Variants in AP3S2 observed in about 807,000 individuals in gnomAD.
The protein encoded by AP3S2 is AP-3 complex subunit sigma-2.
AP3S2 carries 22 observed loss-of-function variants against 23.4 expected under a neutral mutation model. The ratio of observed to expected loss-of-function variants is 0.94; its 90% confidence interval spans 0.67 to 1.34. AP3S2 has a LOEUF of 1.34. Among genes scored for constraint, AP3S2 ranks in the 40% most tolerant of loss-of-function variants. The probability of loss-of-function intolerance (pLI) is 0.00; values close to 1 mark genes in which losing one functional copy is unlikely to be tolerated. For missense variants in AP3S2, 241 were observed against 236.9 expected (o/e 1.02, Z -0.11); for synonymous variants, 86 against 87.1 (o/e 0.99, Z 0.07).
chr15:89,871,348 T>A, intron 4 of AP3S2, 127 bp downstream of exon 4: 1 of 835,782 alleles, frequency 1.2e-6, no homozygotes, highest in Admixed American at 3.2e-5. Context: ...ATAAAACATG[T>A]TCTAGGACTA....
In AP3S2 at chr15:89,891,660, A is replaced by G. The variant is rs1031890476; in HGVS notation, c.69+2221T>C. 6.7e-4 allele frequency among the ~76,000 whole-genome samples: 100 copies of G among 149,666 alleles called. 1 individual carries two copies. The highest frequency in any genetic ancestry group is 4.3e-3 in the South Asian group (20 of 4,658). On this transcript the variant is annotated intron_variant, in intron 1 of 5. Coordinates refer to ENST00000336418, the MANE Select transcript of AP3S2 (RefSeq NM_005829.5). ...TAGAGTGAGATTCAGTCTCGGAGGG[A>G]AAAAAAAAAGCCACAGTGAGATACC...
At chr15:89,893,497 A>G (rs981228417) in intron 1 of AP3S2, 2 of 395,908 alleles carry the variant, frequency 5.1e-6, no homozygotes, top group Non-Finnish European at 8.9e-6. Flanking sequence ...ACTTTCAGAA[A>G]CTTAATATTT....
chr15:89,846,953 G>A (rs374653590), intron 4 of AP3S2, among the ~76,000 whole-genome samples: 3 of 152,154 alleles, frequency 2.0e-5, no homozygotes, highest in East Asian at 3.8e-4. Flanking sequence ...TTACAGGTGT[G>A]AGCCACCTCG....
intron 4 of AP3S2, among the ~76,000 whole-genome samples, chr15:89,869,106 A>G (rs1896248497): frequency 1.3e-5 from 2 of 152,204 alleles, no homozygotes; most frequent in African/African-American, 2.4e-5. Flanking sequence ...CAGGATGACA[A>G]TGGCGGCTTT....
In AP3S2 at chr15:89,837,649, T is replaced by C. The variant is rs984104930; in HGVS notation, c.419A>G (p.Gln140Arg). 6.2e-7 allele frequency: 1 copy of C among 1,614,044 alleles called. No homozygotes were observed. The highest frequency in any genetic ancestry group is 8.5e-7 in the Non-Finnish European group (1 of 1,180,014). The change falls in exon 5 of 6, where the codon CAG (glutamine) becomes CGG (arginine). Residue 140 changes from glutamine (Q) to arginine (R), a missense_variant. Transcript: ENST00000336418. Reference protein sequence around the residue: ...LETNMNEIVAQIEAQNRLEKS... With the variant: ...LETNMNEIVARIEAQNRLEKS... ...CTCCAGCCTGTTTTGAGCCTCAATC[T>C]GAGCCACGATTTCATTCATGTTTGT...
chr15:89,858,551 AAGAAAGAAAG>A (rs1396614702), intron 4 of AP3S2, among the ~76,000 whole-genome samples: 3 of 128,468 alleles, frequency 2.3e-5, no homozygotes, highest in African/African-American at 8.3e-5. Context: ...GAAAGAAAGA[AAGAAAGAAAG>A]AGAAACTCTA....
At chr15:89,876,430 GAAA>G in intron 3 of AP3S2, 1 of 145,046 alleles carries the variant, frequency 6.9e-6, no homozygotes, top group South Asian at 2.2e-4. Flanking sequence ...AAAAAGGAAA[GAAA>G]AAAAAAAGAA....
At chr15:89,885,739 C>T (rs1305749693) in intron 3 of AP3S2, among the ~76,000 whole-genome samples, 1 of 150,798 alleles carries the variant, frequency 6.6e-6, no homozygotes, top group Non-Finnish European at 1.5e-5. Flanking sequence ...CTGAGATGTT[C>T]GAGACCAGCC....
intron 4 of AP3S2, among the ~76,000 whole-genome samples, chr15:89,860,205 C>A (rs1895980448): frequency 6.6e-6 from 1 of 152,086 alleles, no homozygotes; most frequent in South Asian, 2.1e-4. Flanking sequence ...GTCCTAAGAC[C>A]CCCAGTGGAT....
At chr15:89,891,818 T>C (rs977214766) in intron 1 of AP3S2, among the ~76,000 whole-genome samples, 23 of 152,156 alleles carry the variant, frequency 1.5e-4, no homozygotes, top group African/African-American at 5.1e-4. Flanking sequence ...GGAAAATTTG[T>C]CAAATAGTTT....
At chr15:89,838,503 T>C (rs954102555) in intron 4 of AP3S2, among the ~76,000 whole-genome samples, 2 of 152,190 alleles carry the variant, frequency 1.3e-5, no homozygotes, top group Admixed American at 1.3e-4. Context: ...TCAACTACTG[T>C]ACCCCTTTGT....
chr15:89,891,340 AT>A (rs1896815741), intron 1 of AP3S2, among the ~76,000 whole-genome samples: 1 of 152,204 alleles, frequency 6.6e-6, no homozygotes, highest in African/African-American at 2.4e-5. Flanking sequence ...GCTCAACATC[AT>A]TAGTCATTTT....
At chr15:89,846,244 T>C (rs577751803) in intron 4 of AP3S2, among the ~76,000 whole-genome samples, 2 of 152,302 alleles carry the variant, frequency 1.3e-5, no homozygotes, top group African/African-American at 2.4e-5. Flanking sequence ...CCCCTGAAAA[T>C]AGTCAAGAGT....
intron 3 of AP3S2, chr15:89,876,523 T>C (rs1421159016): frequency 6.6e-6 from 1 of 151,398 alleles, no homozygotes; most frequent in Non-Finnish European, 1.5e-5. Context: ...AATAAGTAAA[T>C]AAATAAATAT....
intron 4 of AP3S2, among the ~76,000 whole-genome samples, chr15:89,866,286 C>T (rs1053715305): frequency 6.9e-6 from 1 of 145,086 alleles, no homozygotes; most frequent in Non-Finnish European, 1.5e-5. Flanking sequence ...AAAAAAGTCA[C>T]CATGGAGGTA....
chr15:89,856,108 C>A (rs895439588), intron 4 of AP3S2, among the ~76,000 whole-genome samples: 1 of 152,092 alleles, frequency 6.6e-6, no homozygotes, highest in African/African-American at 2.4e-5. Context: ...CATGCAGAAT[C>A]CCACTTGAGG....
Position 89,835,641 on chromosome 15 carries a change from A to G in AP3S2, c.456T>C (p.Gly152=). 1 of 1,604,688 alleles carries G rather than the reference A, an allele frequency of 6.2e-7. No homozygotes were observed. The change falls in exon 6 of 6, where the codon GGT becomes GGC. Residue 152 remains glycine (G), a splice_region_variant and synonymous_variant. Transcript: ENST00000336418. ...EAQNRLEKSE[G]GLSAAPARAV... is the part of the protein sequence containing the mutation. ...CCCGCGCAGGGGCTGCTGAAAGGCC[A>G]CCCTAAGAAGAAATGAGAGGCGAGT...
chr15:89,893,775 G>A, intron 1 of AP3S2, 106 bp downstream of exon 1: 1 of 1,114,504 alleles, frequency 9.0e-7, no homozygotes, highest in Non-Finnish European at 1.3e-6. Flanking sequence ...CGGTGCAGGA[G>A]CCCCAGGTGA....
At chr15:89,862,054 G>C (rs1157434117) in intron 4 of AP3S2, among the ~76,000 whole-genome samples, 1 of 152,168 alleles carries the variant, frequency 6.6e-6, no homozygotes, top group East Asian at 1.9e-4. Flanking sequence ...AGCCAGGATA[G>C]GATGGGCACA....
Sources: gnomAD v4.1 joint callset for allele counts (sites outside exome capture counted in the v4.1 genomes callset) on GRCh38, gnomAD v4.1.1 for gene constraint, MANE v1.5 for transcripts, NCBI Gene and HGNC (gene_info 2026-07-23, HGNC 2026-07-21) for gene names.